Variants in IRF2 observed in about 807,000 individuals in gnomAD.
IRF2 encodes interferon regulatory factor 2.
A neutral mutation model predicts 40.6 loss-of-function variants in IRF2; 15 were observed. The ratio of observed to expected loss-of-function variants is 0.37; its 90% CI spans 0.25 to 0.57. IRF2 has a LOEUF of 0.57. IRF2 is among the 20% of genes least tolerant of loss of function. The pLI is 0.77. For synonymous variants in IRF2, 151 were observed against 165.5 expected (o/e 0.91, Z 0.67); for missense variants, 317 against 455.7 (o/e 0.70, Z 2.77).
chr4:184,463,808 T>C (rs1326004862), intron 1 of IRF2, among the ~76,000 whole-genome samples: 1 of 152,080 alleles, frequency 6.6e-6, no homozygotes, highest in Non-Finnish European at 1.5e-5. Context: ...AAATTGGAGA[T>C]TTGAGGTCTT....
rs1307569708 is a variant in IRF2 at position 184,398,963 on chromosome 4, T to C, written c.646A>G (p.Met216Val). 8 of 1,613,368 alleles carry C rather than the reference T, an allele frequency of 5.0e-6. No individual in the cohort carries two copies. Among genetic ancestry groups the C allele is most frequent in the Admixed American group, 1.7e-5 (1 of 59,922 alleles). Reference protein sequence around the residue: ...TTESDEQPVSMSELYPLQISP... With the variant: ...TTESDEQPVSVSELYPLQISP... ...ATCTGCAGAGGGTAGAGCTCGCTCATGCTGACCGGCTGCTCGTCGCTCTCA... is the reference window on the plus strand; with the variant it reads ...ATCTGCAGAGGGTAGAGCTCGCTCACGCTGACCGGCTGCTCGTCGCTCTCA... The change falls in exon 7 of 9, where the codon ATG becomes GTG. Residue 216 changes from methionine to valine, a missense_variant. Met to Val is a conservative substitution (Grantham distance 21). This residue lies in a region of IRF2 where 262 missense variants were observed against 334.0 expected (regional missense o/e 0.78). Transcript: ENST00000393593.
At chr4:184,458,132 C>T (rs1039625723) in intron 1 of IRF2, among the ~76,000 whole-genome samples, 3 of 152,230 alleles carry the variant, frequency 2.0e-5, no homozygotes, top group Admixed American at 1.3e-4. Flanking sequence ...TCCGGCCAGT[C>T]AGAAGTCAGT....
At chr4:184,400,288 C>T (rs1736619793) in intron 6 of IRF2, among the ~76,000 whole-genome samples, 1 of 152,180 alleles carries the variant, frequency 6.6e-6, no homozygotes, top group Non-Finnish European at 1.5e-5. Flanking sequence ...TTGTTCATTT[C>T]AAGGATGTTA....
intron 1 of IRF2, among the ~76,000 whole-genome samples, chr4:184,455,755 TA>T (rs374976727): frequency 1.3e-4 from 20 of 151,684 alleles, no homozygotes; most frequent in Admixed American, 9.9e-4. Context: ...GCATGCAACC[TA>T]AAAAAAAATT....
intron 1 of IRF2, among the ~76,000 whole-genome samples, chr4:184,472,789 G>A (rs534267018): frequency 6.6e-6 from 1 of 152,280 alleles, no homozygotes; most frequent in African/African-American, 2.4e-5. Context: ...GATCACATCC[G>A]CAGCCGAGCG....
chr4:184,416,554 C>T (rs1737284075), intron 5 of IRF2, among the ~76,000 whole-genome samples: 1 of 152,044 alleles, frequency 6.6e-6, no homozygotes, highest in African/African-American at 2.4e-5. Flanking sequence ...ACAACTGAAA[C>T]TCTGACCACT....
chr4:184,410,778 T>A (rs1737041446), intron 5 of IRF2, among the ~76,000 whole-genome samples: 1 of 152,226 alleles, frequency 6.6e-6, no homozygotes, highest in Admixed American at 6.5e-5. Context: ...TTAATTCTGA[T>A]TTCTCCATTG....
rs761547934 is a variant in IRF2, at chr4:184,419,570, T to TAAAA, written c.88-3_88-2insTTTT. 1.8e-5 allele frequency: 15 copies of TAAAA among 820,000 alleles called. No individual in the cohort carries two copies. Among genetic ancestry groups the TAAAA allele is most frequent in the Admixed American group, 3.9e-5 (1 of 25,460 alleles). The allele number at this position is 820,000 out of a possible 1,614,324, so 50.8% of individuals were successfully genotyped here. A position where few individuals can be genotyped will look rare whatever the true frequency, so the allele number is the denominator to read the frequency against. ...GGGGATCTGAAAAATCTTCTTTTCCTGAAAAAAAAAAAAAAAAAAAAGGTA... is the reference window on the plus strand; with the variant it reads ...GGGGATCTGAAAAATCTTCTTTTCCTAAAAGAAAAAAAAAAAAAAAAAAAAGGTA... On this transcript the variant is annotated splice_polypyrimidine_tract_variant and splice_region_variant and intron_variant, in intron 2 of 8. Coordinates refer to ENST00000393593, the MANE Select transcript of IRF2 (RefSeq NM_002199.4).
chr4:184,437,409 G>A (rs780936042), intron 1 of IRF2, among the ~76,000 whole-genome samples: 18 of 151,942 alleles, frequency 1.2e-4, no homozygotes, highest in Non-Finnish European at 1.9e-4. Flanking sequence ...TATGTTGCCC[G>A]GGTTGGTTTG....
At chr4:184,473,623 C>G (rs1461679078) in intron 1 of IRF2, among the ~76,000 whole-genome samples, 10 of 147,980 alleles carry the variant, frequency 6.8e-5, no homozygotes, top group Non-Finnish European at 1.1e-4. Flanking sequence ...CGGCCAGGCC[C>G]GGCGCCCGGC....
intron 2 of IRF2, among the ~76,000 whole-genome samples, chr4:184,425,490 G>A (rs543132474): frequency 6.6e-6 from 1 of 152,388 alleles, no homozygotes; most frequent in South Asian, 2.1e-4. Flanking sequence ...CAGGGCCTCG[G>A]GGCCACAGTG....
chr4:184,415,187 T>G (rs1737220216), intron 5 of IRF2, among the ~76,000 whole-genome samples: 1 of 152,236 alleles, frequency 6.6e-6, no homozygotes, highest in African/African-American at 2.4e-5. Flanking sequence ...CAAGTAGATC[T>G]AAATTCAAAA....
At position 184,459,206 on chromosome 4, in the gene IRF2, G is replaced by A. The variant is rs905344336; in HGVS notation, c.-7+15173C>T. Among the ~76,000 whole-genome samples the A allele has an allele frequency of 2.6e-5, 4 of 152,084 alleles. No homozygotes were observed. In the South Asian group the frequency reaches 6.2e-4, roughly 24 times the overall value. ...GAGAGGCTACCACAAGGGCAGCCGC[G>A]AGGATAAATCCACTACCATATTCAA... On this transcript the variant is annotated intron_variant, in intron 1 of 8. Coordinates refer to ENST00000393593, the MANE Select transcript of IRF2 (RefSeq NM_002199.4).
At chr4:184,462,796 G>A (rs1213399164) in intron 1 of IRF2, among the ~76,000 whole-genome samples, 4 of 152,332 alleles carry the variant, frequency 2.6e-5, no homozygotes, top group Non-Finnish European at 5.9e-5. Flanking sequence ...AAATCCTAAT[G>A]TTTATGTGTT....
intron 2 of IRF2, among the ~76,000 whole-genome samples, chr4:184,426,547 AC>A (rs1203039505): frequency 2.0e-5 from 3 of 151,616 alleles, no homozygotes; most frequent in East Asian, 1.9e-4. Context: ...ATCTGCAAAA[AC>A]CCTTTTTCCA....
At chr4:184,398,375 G>C (rs1736540485) in intron 7 of IRF2, among the ~76,000 whole-genome samples, 1 of 152,134 alleles carries the variant, frequency 6.6e-6, no homozygotes, top group Non-Finnish European at 1.5e-5. Flanking sequence ...TGTTATGGGA[G>C]GCCAGGCACT....
At chr4:184,459,119 G>A (rs975173450) in intron 1 of IRF2, among the ~76,000 whole-genome samples, 4 of 151,746 alleles carry the variant, frequency 2.6e-5, no homozygotes, top group Non-Finnish European at 5.9e-5. Flanking sequence ...CTTTTTTCAT[G>A]AGTCCCAAGC....
intron 5 of IRF2, among the ~76,000 whole-genome samples, chr4:184,417,899 C>A (rs2076086970): frequency 1.3e-5 from 2 of 152,172 alleles, no homozygotes; most frequent in Admixed American, 1.3e-4. Context: ...GCTGTGGTGG[C>A]CAGATGGAGG....
At chr4:184,411,935 G>C (rs1358629492) in intron 5 of IRF2, among the ~76,000 whole-genome samples, 4 of 143,352 alleles carry the variant, frequency 2.8e-5, no homozygotes, top group African/African-American at 1.0e-4. Flanking sequence ...ACTTTAGATA[G>C]AGACTCTTCT....
Sources: allele counts gnomAD v4.1 joint callset (sites outside exome capture counted in the v4.1 genomes callset), GRCh38; gene constraint gnomAD v4.1.1; regional missense constraint gnomAD v4.1.1; transcripts MANE v1.5; gene names NCBI Gene and HGNC (gene_info 2026-07-23, HGNC 2026-07-21).